The following EYS variants were observed in gnomAD, a reference collection of about 807,000 sequenced individuals.
EYS encodes the protein protein eyes shut homolog.
A neutral mutation model predicts 282.1 loss-of-function variants in EYS; 250 were observed. That is an observed-to-expected ratio of 0.89 (90% confidence interval 0.80 to 0.98). The LOEUF is 0.98. Ranked by LOEUF, EYS falls within the 50% of genes least tolerant of loss-of-function variation. The probability of loss-of-function intolerance (pLI) is 0.00; values close to 1 mark genes in which losing one functional copy is unlikely to be tolerated. For synonymous variants in EYS, 1,355 were observed against 1,282.9 expected, an observed-to-expected ratio of 1.06 and a Z score of -1.20; for missense variants, 4,016 against 3,709.0, an observed-to-expected ratio of 1.08 and a Z score of -2.15.
chr6:63,779,837 T>TGCTGCACC (rs1353012234), intron 39 of EYS, among the ~76,000 whole-genome samples: 6 of 152,132 alleles, frequency 3.9e-5, no homozygotes, highest in Admixed American at 2.0e-4. Flanking sequence ...CATGTTGGTG[T>TGCTGCACC]GCTGCACCCA....
chr6:64,648,767 GA>G (rs1768446055), intron 22 of EYS, among the ~76,000 whole-genome samples: 1 of 152,186 alleles, frequency 6.6e-6, no homozygotes, highest in Non-Finnish European at 1.5e-5. Flanking sequence ...TCTGGAGGGG[GA>G]AAAGTAGAAA....
chr6:65,520,578 A>G (rs1767328060), intron 2 of EYS, among the ~76,000 whole-genome samples: 1 of 151,958 alleles, frequency 6.6e-6, no homozygotes, highest in East Asian at 1.9e-4. Context: ...ATATACACAT[A>G]TGTATCATTT....
At chr6:64,242,787 C>A (rs1248487013) in intron 30 of EYS, among the ~76,000 whole-genome samples, 1 of 149,274 alleles carries the variant, frequency 6.7e-6, no homozygotes, top group Non-Finnish European at 1.5e-5. Flanking sequence ...CTTAAAATCT[C>A]ACATTTTTCA....
At chr6:65,146,655 A>C (rs77646226) in intron 12 of EYS, among the ~76,000 whole-genome samples, 4,279 of 152,040 alleles carry the variant, frequency 0.028, 153 homozygotes, top group African/African-American at 0.085. Flanking sequence ...ATTTTGTTAG[A>C]AAACTATTGG....
chr6:64,219,791 A>G (rs1766039985), intron 31 of EYS, among the ~76,000 whole-genome samples: 1 of 152,170 alleles, frequency 6.6e-6, no homozygotes, highest in Non-Finnish European at 1.5e-5. Context: ...CAAATGTCCA[A>G]CAATGATAGA....
intron 31 of EYS, among the ~76,000 whole-genome samples, chr6:64,185,286 C>A (rs34352199): frequency 0.31 from 46,454 of 152,022 alleles, 7,170 homozygotes; most frequent in East Asian, 0.5. Context: ...AAAGTAATTT[C>A]ACTTCTAACC....
intron 31 of EYS, among the ~76,000 whole-genome samples, chr6:64,223,914 A>C (rs1766177128): frequency 6.6e-6 from 1 of 151,990 alleles, no homozygotes; most frequent in Non-Finnish European, 1.5e-5. Context: ...TCATGCTTTG[A>C]CTGTAACCTT....
chr6:64,250,001 A>C (rs1051770571), intron 30 of EYS, among the ~76,000 whole-genome samples: 1 of 152,186 alleles, frequency 6.6e-6, no homozygotes, highest in East Asian at 1.9e-4. Flanking sequence ...GGGAGAAAGA[A>C]AAATGTAAGT....
At position 64,451,146 on chromosome 6, in the gene EYS, A is replaced by G. The variant is rs193091021; in HGVS notation, c.5645-11794T>C. ...AAGGAAGAAAAGAGAGAAGAATCAA[A>G]TAGATGCAATAAAAAAATGACAAAG... On this transcript the variant is annotated intron_variant, in intron 26 of 42. Coordinates refer to ENST00000503581, the MANE Select transcript of EYS (RefSeq NM_001142800.2). 6.6e-3 allele frequency among the ~76,000 whole-genome samples: 1,002 copies of G among 152,306 alleles called. 7 individuals carry two copies. The highest frequency in any genetic ancestry group is 0.012 in the Non-Finnish European group (804 of 68,026).
At position 64,707,804 on chromosome 6, in the gene EYS, A is replaced by T. The variant is rs115963806; in HGVS notation, c.3444-81559T>A. On this transcript the variant is annotated intron_variant, in intron 22 of 42. Coordinates refer to ENST00000503581, the MANE Select transcript of EYS (RefSeq NM_001142800.2). ...ACACAAAACCTATTGAAATCAAAAA[A>T]GAAAACTAACTCTACATTATGTAGG... Among the ~76,000 whole-genome samples the T allele has an allele frequency of 5.4e-3, 822 of 152,252 alleles. 11 individuals are homozygous for T. The highest frequency in any genetic ancestry group is 0.019 in the African/African-American group (770 of 41,554).
chr6:63,788,846 C>T (rs757612675), intron 38 of EYS, among the ~76,000 whole-genome samples: 11 of 152,172 alleles, frequency 7.2e-5, no homozygotes, highest in Non-Finnish European at 1.2e-4. Flanking sequence ...TTTCTGAATC[C>T]TCTCTCTCAC....
intron 29 of EYS, among the ~76,000 whole-genome samples, chr6:64,315,439 C>A (rs140932757): frequency 6.7e-6 from 1 of 149,542 alleles, no homozygotes; most frequent in Admixed American, 6.6e-5. Flanking sequence ...ATCCTGATAC[C>A]AAAACCTGGC....
In EYS at chr6:65,267,193, C is replaced by A. The variant is rs147301025; in HGVS notation, c.2023+28670G>T. On this transcript the variant is annotated intron_variant, in intron 12 of 42. Transcript: ENST00000503581. ...CTTTATGCAAGGCTATAAAAAAGCT[C>A]CAATTTTCAATTATGATTGGGTAAA... Among the ~76,000 whole-genome samples the A allele has an allele frequency of 3.9e-3, 587 of 151,820 alleles. 2 individuals carry two copies. The highest frequency in any genetic ancestry group is 0.024 in the Middle Eastern group (7 of 292).
At chr6:65,451,891 A>G (rs1764413156) in intron 5 of EYS, among the ~76,000 whole-genome samples, 1 of 151,944 alleles carries the variant, frequency 6.6e-6, no homozygotes. Context: ...TATGTTATTA[A>G]TGAACAACTG....
chr6:65,494,599 AAC>A (rs1766167117), intron 4 of EYS, 62 bp downstream of exon 4: 6 of 1,391,462 alleles, frequency 4.3e-6, no homozygotes, highest in Non-Finnish European at 5.9e-6. Flanking sequence ...GATTTCTGTT[AAC>A]AGTTTATAAA....
At chr6:65,348,578 A>T (rs1298224352) in intron 9 of EYS, among the ~76,000 whole-genome samples, 1 of 151,558 alleles carries the variant, frequency 6.6e-6, no homozygotes, top group African/African-American at 2.4e-5. Context: ...TTATTATTTT[A>T]TTCCTGTAGA....
intron 26 of EYS, among the ~76,000 whole-genome samples, chr6:64,499,177 C>T (rs1245080789): frequency 6.6e-6 from 1 of 152,118 alleles, no homozygotes; most frequent in Non-Finnish European, 1.5e-5. Flanking sequence ...GATGGTATCT[C>T]ATTATGAACC....
chr6:65,165,958 A>G (rs1764962003), intron 12 of EYS, among the ~76,000 whole-genome samples: 1 of 151,114 alleles, frequency 6.6e-6, no homozygotes, highest in African/African-American at 2.4e-5. Flanking sequence ...CCCTAAATGA[A>G]ATCAAGTCCC....
At chr6:64,370,615 A>C (rs1490538833) in intron 29 of EYS, among the ~76,000 whole-genome samples, 1 of 151,984 alleles carries the variant, frequency 6.6e-6, no homozygotes, top group Non-Finnish European at 1.5e-5. Context: ...TTCCTTATAC[A>C]TCTGGTAGAA....
Sources: gnomAD v4.1 joint callset for allele counts (sites outside exome capture counted in the v4.1 genomes callset) on GRCh38, gnomAD v4.1.1 for gene constraint, MANE v1.5 for transcripts, NCBI Gene and HGNC (gene_info 2026-07-23, HGNC 2026-07-21) for gene names.